Variants in ZFHX3 observed in about 807,000 individuals in gnomAD.
ZFHX3 encodes the protein zinc finger homeobox 3.
In ZFHX3, 42 loss-of-function variants were observed where a neutral mutation model predicts 279.1. The ratio of observed to expected loss-of-function variants is 0.15; its 90% CI spans 0.12 to 0.19. ZFHX3 has a LOEUF of 0.19. Among genes scored for constraint, ZFHX3 ranks in the 10% least tolerant of loss-of-function variants. ZFHX3 has a pLI of 1.00. For synonymous variants in ZFHX3, 2,293 were observed against 1,957.8 expected (o/e 1.17, Z -4.52); for missense variants, 4,981 against 4,754.0 (o/e 1.05, Z -1.40).
chr16:73,635,642 C>G (rs933076215), intron 2 of ZFHX3, among the ~76,000 whole-genome samples: 5 of 152,042 alleles, frequency 3.3e-5, no homozygotes, highest in African/African-American at 1.2e-4. Context: ...TCAAAGCTAA[C>G]CTCTCACCCT....
intron 4 of ZFHX3, among the ~76,000 whole-genome samples, chr16:72,860,855 A>G (rs1047322458): frequency 3.9e-5 from 6 of 152,184 alleles, no homozygotes; most frequent in Non-Finnish European, 8.8e-5. Context: ...ATCTTTGCGC[A>G]AGCCTGGCTG....
intron 3 of ZFHX3, among the ~76,000 whole-genome samples, chr16:73,347,006 T>C (rs915236900): frequency 9.2e-5 from 14 of 152,206 alleles, no homozygotes; most frequent in Non-Finnish European, 1.8e-4. Context: ...GGGGAGGAAA[T>C]TGAAGCTCAG....
chr16:73,762,798 G>A (rs1457597905), intron 1 of ZFHX3, among the ~76,000 whole-genome samples: 2 of 152,116 alleles, frequency 1.3e-5, no homozygotes, highest in African/African-American at 4.8e-5. Flanking sequence ...GACACAGGGA[G>A]GGGAATGACA....
chr16:72,791,529 G>A (rs1001856170), intron 9 of ZFHX3: 1 of 152,216 alleles, frequency 6.6e-6, no homozygotes, highest in African/African-American at 2.4e-5. Flanking sequence ...TGGAAGCTCT[G>A]GCTCCTACCC....
At chr16:72,876,555 T>C (rs1411119759) in intron 4 of ZFHX3, among the ~76,000 whole-genome samples, 2 of 152,138 alleles carry the variant, frequency 1.3e-5, no homozygotes, top group African/African-American at 2.4e-5. Context: ...ATATTTATAT[T>C]ACCTCCTCTT....
At chr16:72,892,987 A>C (rs77603195) in intron 3 of ZFHX3, among the ~76,000 whole-genome samples, 1 of 152,018 alleles carries the variant, frequency 6.6e-6, no homozygotes, top group African/African-American at 2.4e-5. Context: ...CCTTCCCCCA[A>C]CTACTCCCCG....
intron 3 of ZFHX3, among the ~76,000 whole-genome samples, chr16:72,892,496 C>G (rs1352568376): frequency 6.7e-6 from 1 of 149,374 alleles, no homozygotes; most frequent in East Asian, 2.0e-4. Flanking sequence ...TTTTTGTTTA[C>G]TTTTTATTTA....
chr16:73,518,238 C>T lies in ZFHX3; in HGVS notation c.-1546-61980G>A, dbSNP rs560133560. Reference sequence around the variant, plus strand: ...AGTCACTGAGATCATCGCCTTCTTTCGCTGGACTACTTAAAGTGCTGATCT... The same window carrying T: ...AGTCACTGAGATCATCGCCTTCTTTTGCTGGACTACTTAAAGTGCTGATCT... On this transcript the variant is annotated intron_variant, in intron 2 of 17. Transcript: ENST00000641206. Among the ~76,000 whole-genome samples the T allele has an allele frequency of 1.3e-3, 194 of 152,256 alleles. 1 individual carries two copies. The highest frequency in any genetic ancestry group is 4.3e-3 in the African/African-American group (179 of 41,548).
chr16:73,872,249 T>A (rs1014162676), intron 1 of ZFHX3, among the ~76,000 whole-genome samples: 1 of 152,104 alleles, frequency 6.6e-6, no homozygotes, highest in Non-Finnish European at 1.5e-5. Flanking sequence ...ATCCCTGTTT[T>A]TTTTTTTTCT....
At chr16:73,103,001 T>G (rs1966250296) in intron 7 of ZFHX3, among the ~76,000 whole-genome samples, 1 of 152,112 alleles carries the variant, frequency 6.6e-6, no homozygotes, top group South Asian at 2.1e-4. Flanking sequence ...CTCAGCTCAC[T>G]GCAACCTGCA....
Position 72,879,454 on chromosome 16 carries a change from C to G in ZFHX3, c.3448+10277G>C, listed in dbSNP as rs1391895141. Among the ~76,000 whole-genome samples, 4 of 152,118 alleles carry G rather than the reference C, an allele frequency of 2.6e-5. No individual in the cohort carries two copies. The South Asian group carries it at 8.3e-4, about 32-fold the overall frequency. ...TCTTTTTTTTCTTTTGAGACGGAGT[C>G]TCGCTCTGTCGCCCAGGTTGAAGTG... is the stretch of plus-strand genomic sequence containing the variant. On this transcript the variant is annotated intron_variant, in intron 4 of 9. Coordinates refer to ENST00000268489, the MANE Select transcript of ZFHX3 (RefSeq NM_006885.4).
intron 7 of ZFHX3, among the ~76,000 whole-genome samples, chr16:73,124,273 C>T (rs12051003): frequency 1.3e-5 from 2 of 152,020 alleles, no homozygotes; most frequent in African/African-American, 4.8e-5. Context: ...GGCAGATCTG[C>T]TGTCCGGTGA....
intron 5 of ZFHX3, among the ~76,000 whole-genome samples, chr16:72,827,336 C>T (rs1005680142): frequency 1.3e-5 from 2 of 152,142 alleles, no homozygotes; most frequent in Admixed American, 6.5e-5. Flanking sequence ...CTGTTCGGAG[C>T]TTCCCATAGT....
chr16:73,209,139 A>G (rs1340711328), intron 5 of ZFHX3, among the ~76,000 whole-genome samples: 1 of 152,244 alleles, frequency 6.6e-6, no homozygotes, highest in Admixed American at 6.5e-5. Context: ...TGCGTGAGTT[A>G]TATCTACTAA....
Position 72,797,139 on chromosome 16 carries a change from T to A in ZFHX3, c.5543A>T (p.Gln1848Leu), listed in dbSNP as rs1234468512. 6.2e-7 allele frequency: 1 copy of A among 1,613,948 alleles called. No individual in the cohort carries two copies. Among genetic ancestry groups the A allele is most frequent in the Non-Finnish European group, 8.5e-7 (1 of 1,180,020 alleles). Residue 1848 changes from glutamine to leucine, a missense_variant, in exon 9 of 10, where the codon CAG (glutamine) becomes CTG (leucine). Around this residue, in one of 7 missense-constraint regions of ZFHX3, gnomAD observed 1,751 missense variants for 1,770.0 expected, o/e 0.99. Transcript: ENST00000268489. ...GTTCTGCTGCTGCTGCGGCAAGATCTGCTGATGGCTCTGCTGTGGGACCTG... is the reference window on the plus strand; with the variant it reads ...GTTCTGCTGCTGCTGCGGCAAGATCAGCTGATGGCTCTGCTGTGGGACCTG... ...QVQVPQQSHQ[Q>L]ILPQQQQNQL...
Position 73,624,178 on chromosome 16 carries a change from T to C in ZFHX3, c.-1547+56002A>G, listed in dbSNP as rs144477624. 4.4e-3 allele frequency among the ~76,000 whole-genome samples: 676 copies of C among 152,310 alleles called. 8 individuals carry two copies. The highest frequency in any genetic ancestry group is 0.015 in the African/African-American group (636 of 41,558). ...TGCTTAAACATTATTATCAATTACA[T>C]TACATGGTGCCAGAAAATTTTAAAA... On this transcript the variant is annotated intron_variant, in intron 2 of 17. Coordinates refer to the ZFHX3 transcript ENST00000641206.
In ZFHX3 at chr16:73,035,126, A is replaced by G. The variant is rs138339473; in HGVS notation, c.-50+12626T>C. ...CTCGATAGAGATGTGCTGAAGGTAT[A>G]AAAATACAGGACTCCAAAGATTTGG... On this transcript the variant is annotated intron_variant, in intron 1 of 9. Transcript: ENST00000268489. Among the ~76,000 whole-genome samples, 138 of 152,070 alleles carry G rather than the reference A, an allele frequency of 9.1e-4. 1 individual carries two copies. In the East Asian group the frequency reaches 0.02, roughly 22 times the overall value.
chr16:72,952,586 A>G (rs1961049014), intron 2 of ZFHX3, among the ~76,000 whole-genome samples: 1 of 152,180 alleles, frequency 6.6e-6, no homozygotes, highest in Non-Finnish European at 1.5e-5. Context: ...AAGAGTGAAA[A>G]AAGAGCGGGA....
chr16:73,377,534 G>A (rs564221488), intron 3 of ZFHX3, among the ~76,000 whole-genome samples: 1 of 152,104 alleles, frequency 6.6e-6, no homozygotes, highest in East Asian at 1.9e-4. Flanking sequence ...GTAAAGATGA[G>A]CACCACTGTC....
Sources: allele counts gnomAD v4.1 joint callset (sites outside exome capture counted in the v4.1 genomes callset), GRCh38; gene constraint gnomAD v4.1.1; regional missense constraint gnomAD v4.1.1; transcripts MANE v1.5; gene names NCBI Gene and HGNC (gene_info 2026-07-23, HGNC 2026-07-21).